Variants in MRTFB observed in about 807,000 individuals in gnomAD.
MRTFB encodes the protein myocardin related transcription factor B, also known as myocardin-related transcription factor B.
Under a neutral mutation model 104.2 loss-of-function variants are expected in MRTFB, and 29 were observed. That is an observed-to-expected ratio of 0.28 (90% CI 0.21 to 0.38). MRTFB has a LOEUF of 0.38. MRTFB is among the 10% of genes least tolerant of loss of function. MRTFB has a pLI of 1.00. For missense variants in MRTFB, 1,270 were observed against 1,341.6 expected, an observed-to-expected ratio of 0.95 and a Z score of 0.83; for synonymous variants, 535 against 519.5, an observed-to-expected ratio of 1.03 and a Z score of -0.41.
the MRTFB span, chr16:14,009,864 A>G: frequency 6.6e-6 from 1 of 152,056 alleles, no homozygotes; most frequent in South Asian, 2.1e-4. Context: ...CTCTAATTAC[A>G]TCTTCTTTAT....
chr16:14,230,692 A>G (rs1462163096), intron 8 of MRTFB, among the ~76,000 whole-genome samples: 1 of 152,228 alleles, frequency 6.6e-6, no homozygotes, highest in Non-Finnish European at 1.5e-5. Context: ...GTGGGACTGT[A>G]AACTAGTTCA....
intron 1 of MRTFB, among the ~76,000 whole-genome samples, chr16:14,073,396 C>T (rs1400748642): frequency 6.6e-6 from 1 of 152,184 alleles, no homozygotes; most frequent in East Asian, 1.9e-4. Flanking sequence ...AGAACCACTC[C>T]AAACATCAGT....
chr16:14,239,518 T>G (rs1244751344), intron 9 of MRTFB, among the ~76,000 whole-genome samples: 3 of 152,220 alleles, frequency 2.0e-5, no homozygotes, highest in Admixed American at 1.3e-4. Context: ...ATATTTTCTT[T>G]TTTGTTTGTT....
At chr16:14,055,124 G>A in the MRTFB span, among the ~76,000 whole-genome samples, 1 of 152,178 alleles carries the variant, frequency 6.6e-6, no homozygotes, top group Non-Finnish European at 1.5e-5. Flanking sequence ...GGCTGAGGCG[G>A]GTGGATCACC....
chr16:14,133,394 G>GA (rs2037541721), intron 2 of MRTFB, among the ~76,000 whole-genome samples: 1 of 152,220 alleles, frequency 6.6e-6, no homozygotes, highest in Non-Finnish European at 1.5e-5. Context: ...AAGTGCCAAA[G>GA]AACAGAATTC....
chr16:14,002,614 A>C, the MRTFB span, among the ~76,000 whole-genome samples: 1 of 152,148 alleles, frequency 6.6e-6, no homozygotes, highest in African/African-American at 2.4e-5. Context: ...TAAATGTGTA[A>C]ATACCGTTTA....
chr16:14,071,096 GAGA>G (rs879548878), upstream of MRTFB, among the ~76,000 whole-genome samples: 7 of 152,178 alleles, frequency 4.6e-5, no homozygotes, highest in East Asian at 1.9e-4. Context: ...CCGGCCAGGT[GAGA>G]AGGAGGCGGC....
At chr16:14,126,992 C>T (rs2037144193) in intron 2 of MRTFB, among the ~76,000 whole-genome samples, 1 of 152,194 alleles carries the variant, frequency 6.6e-6, no homozygotes, top group South Asian at 2.1e-4. Context: ...AAACACCTGA[C>T]ATATAGTATC....
At chr16:14,092,253 T>C (rs2035121312) in intron 2 of MRTFB, among the ~76,000 whole-genome samples, 2 of 152,168 alleles carry the variant, frequency 1.3e-5, no homozygotes, top group Admixed American at 1.3e-4. Context: ...TTTGCTGCGA[T>C]TCTCCAGATC....
chr16:14,231,469 A>AT (rs1196075398), intron 8 of MRTFB, among the ~76,000 whole-genome samples: 1 of 147,958 alleles, frequency 6.8e-6, no homozygotes, highest in Non-Finnish European at 1.5e-5. Flanking sequence ...TTTGATGTAG[A>AT]TTCTTTTGTC....
intron 2 of MRTFB, among the ~76,000 whole-genome samples, chr16:14,097,343 A>G (rs1436239475): frequency 6.6e-6 from 1 of 152,238 alleles, no homozygotes; most frequent in African/African-American, 2.4e-5. Flanking sequence ...ATTTGAAGCT[A>G]ATAAACAGAC....
At chr16:14,189,973 C>T (rs755702708) in intron 3 of MRTFB, among the ~76,000 whole-genome samples, 35 of 152,136 alleles carry the variant, frequency 2.3e-4, no homozygotes, top group Non-Finnish European at 3.5e-4. Context: ...GATGCCTTAA[C>T]AAGAAAATTT....
the MRTFB span, among the ~76,000 whole-genome samples, chr16:14,003,254 C>T: frequency 1.3e-5 from 2 of 152,128 alleles, no homozygotes; most frequent in Non-Finnish European, 2.9e-5. Flanking sequence ...AGGCGTGTGA[C>T]GAGTTTTTTG....
intron 3 of MRTFB, chr16:14,151,780 A>C (rs1465309387): frequency 6.6e-6 from 1 of 152,188 alleles, no homozygotes; most frequent in East Asian, 1.9e-4. Flanking sequence ...TCTGGGCATC[A>C]GTCAGTGTCT....
At chr16:14,162,878 A>G (rs2039094823) in intron 3 of MRTFB, among the ~76,000 whole-genome samples, 1 of 152,236 alleles carries the variant, frequency 6.6e-6, no homozygotes, top group South Asian at 2.1e-4. Flanking sequence ...CATGTCTATT[A>G]TACTAAAATA....
chr16:14,085,733 A>C (rs2034668856), intron 2 of MRTFB, among the ~76,000 whole-genome samples: 1 of 152,196 alleles, frequency 6.6e-6, no homozygotes, highest in African/African-American at 2.4e-5. Flanking sequence ...TTAGGTTGGA[A>C]ATGAGAAGGG....
intron 8 of MRTFB, among the ~76,000 whole-genome samples, chr16:14,220,018 T>A (rs2041613161): frequency 6.6e-6 from 1 of 152,168 alleles, no homozygotes; most frequent in Admixed American, 6.5e-5. Flanking sequence ...TCCTTCCATG[T>A]GAATGTAGAG....
At chr16:14,215,285 T>C (rs2041367998) in intron 6 of MRTFB, among the ~76,000 whole-genome samples, 1 of 152,212 alleles carries the variant, frequency 6.6e-6, no homozygotes, top group African/African-American at 2.4e-5. Flanking sequence ...GTTGGGAGTT[T>C]TGAAATAAGA....
intron 3 of MRTFB, among the ~76,000 whole-genome samples, chr16:14,202,715 G>T (rs2040762905): frequency 6.6e-6 from 1 of 152,190 alleles, no homozygotes; most frequent in African/African-American, 2.4e-5. Flanking sequence ...TAGTTCATCA[G>T]TCTTTTGCCC....
Sources: allele counts gnomAD v4.1 joint callset (sites outside exome capture counted in the v4.1 genomes callset), GRCh38; gene constraint gnomAD v4.1.1; transcripts MANE v1.5; gene names NCBI Gene and HGNC (gene_info 2026-07-23, HGNC 2026-07-21).